The following KCNMB2 variants were observed in gnomAD, a reference collection of about 807,000 sequenced individuals.
The protein encoded by KCNMB2 is calcium-activated potassium channel subunit beta-2.
In KCNMB2, 9 loss-of-function variants were observed where a neutral mutation model predicts 24.5. The ratio of observed to expected loss-of-function variants is 0.37; its 90% CI spans 0.22 to 0.64. The LOEUF (loss-of-function observed/expected upper bound fraction) is 0.64, where lower values mean the gene tolerates loss of function less well. KCNMB2 is among the 30% of genes least tolerant of loss of function. The pLI is 0.63. For synonymous variants in KCNMB2, 109 were observed against 104.4 expected, an observed-to-expected ratio of 1.04 and a Z score of -0.27; for missense variants, 226 against 284.3, an observed-to-expected ratio of 0.79 and a Z score of 1.47.
chr3:178,708,121 T>C (rs1481691114), intron 1 of KCNMB2, among the ~76,000 whole-genome samples: 1 of 152,170 alleles, frequency 6.6e-6, no homozygotes, highest in African/African-American at 2.4e-5. Flanking sequence ...AGTTTCAGTG[T>C]CTGCCTTAGG....
chr3:178,824,570 T>C, intron 2 of KCNMB2: 1 of 166,806 alleles, frequency 6.0e-6, no homozygotes, highest in Non-Finnish European at 1.3e-5. Flanking sequence ...GAGACGGGGT[T>C]TCACCATGTT....
At chr3:178,792,894 C>T (rs1713381073) in intron 1 of KCNMB2, among the ~76,000 whole-genome samples, 1 of 152,236 alleles carries the variant, frequency 6.6e-6, no homozygotes, top group South Asian at 2.1e-4. Flanking sequence ...CATTGGGTGT[C>T]ACAGCACCTG....
At chr3:178,717,298 C>A (rs1256097586) in intron 1 of KCNMB2, among the ~76,000 whole-genome samples, 2 of 152,046 alleles carry the variant, frequency 1.3e-5, no homozygotes, top group Non-Finnish European at 2.9e-5. Flanking sequence ...CCTGCTTGCA[C>A]CAAATTTTTT....
chr3:178,587,728 G>A (rs997178456), intron 1 of KCNMB2, among the ~76,000 whole-genome samples: 10 of 144,254 alleles, frequency 6.9e-5, no homozygotes, highest in African/African-American at 2.7e-4. Flanking sequence ...TTACAGGCGT[G>A]AGCCAGTAAT....
intron 4 of KCNMB2, among the ~76,000 whole-genome samples, chr3:178,836,827 A>G (rs1313015951): frequency 6.6e-6 from 1 of 152,154 alleles, no homozygotes; most frequent in African/African-American, 2.4e-5. Flanking sequence ...TCTAAAAATG[A>G]TGGATGTTTA....
At chr3:178,758,832 A>C (rs190339925) in intron 1 of KCNMB2, among the ~76,000 whole-genome samples, 190 of 7,886 alleles carry the variant, frequency 0.024, 43 homozygotes, top group African/African-American at 0.09. Context: ...ATATATATAT[A>C]TCTCCAAGAG....
intron 1 of KCNMB2, among the ~76,000 whole-genome samples, chr3:178,567,897 T>C (rs1716584696): frequency 6.6e-6 from 1 of 152,130 alleles, no homozygotes. Context: ...CTCCCTTAAA[T>C]AAAGATTCCA....
intron 1 of KCNMB2, among the ~76,000 whole-genome samples, chr3:178,575,458 C>T (rs1374887732): frequency 6.6e-6 from 1 of 152,132 alleles, no homozygotes; most frequent in Non-Finnish European, 1.5e-5. Context: ...GAATCAACTT[C>T]CAAACATGTA....
intron 1 of KCNMB2, among the ~76,000 whole-genome samples, chr3:178,616,921 T>G (rs1218670679): frequency 6.6e-6 from 1 of 152,222 alleles, no homozygotes; most frequent in African/African-American, 2.4e-5. Context: ...CAGGCTGGAA[T>G]CAATGACCAG....
intron 1 of KCNMB2, among the ~76,000 whole-genome samples, chr3:178,703,276 G>A (rs552383223): frequency 6.6e-6 from 1 of 152,214 alleles, no homozygotes; most frequent in African/African-American, 2.4e-5. Flanking sequence ...TGAGAAAAGG[G>A]GTTGAGTGGA....
intron 1 of KCNMB2, among the ~76,000 whole-genome samples, chr3:178,764,809 C>A (rs1349777894): frequency 6.6e-6 from 1 of 151,888 alleles, no homozygotes; most frequent in Non-Finnish European, 1.5e-5. Flanking sequence ...TAAACTTTGT[C>A]CAAAAATAAA....
chr3:178,664,168 C>A (rs964643631), intron 1 of KCNMB2, among the ~76,000 whole-genome samples: 2 of 152,092 alleles, frequency 1.3e-5, no homozygotes, highest in Non-Finnish European at 1.5e-5. Flanking sequence ...TACACTGGGA[C>A]CTGCAGGAAC....
intron 2 of KCNMB2, among the ~76,000 whole-genome samples, chr3:178,815,484 A>G (rs1379636517): frequency 2.0e-5 from 3 of 152,132 alleles, no homozygotes. Flanking sequence ...TAATTACATC[A>G]TTGGTGAATA....
chr3:178,538,695 A>G (rs1416832527), intron 1 of KCNMB2, among the ~76,000 whole-genome samples: 5 of 152,198 alleles, frequency 3.3e-5, no homozygotes, highest in African/African-American at 4.8e-5. Flanking sequence ...ATTGATGAGG[A>G]AAAAGTTTCC....
At chr3:178,810,387 C>T (rs980202436) in intron 2 of KCNMB2, among the ~76,000 whole-genome samples, 6 of 152,174 alleles carry the variant, frequency 3.9e-5, no homozygotes, top group Non-Finnish European at 8.8e-5. Flanking sequence ...CACACCTCCT[C>T]TTCCTGAGAA....
At chr3:178,618,070 C>T (rs1321078969) in intron 1 of KCNMB2, among the ~76,000 whole-genome samples, 1 of 151,850 alleles carries the variant, frequency 6.6e-6, no homozygotes, top group Non-Finnish European at 1.5e-5. Context: ...AAAAATAATA[C>T]ATTTTATCTT....
chr3:178,750,774 T>C (rs1723818055), intron 1 of KCNMB2, among the ~76,000 whole-genome samples: 1 of 152,154 alleles, frequency 6.6e-6, no homozygotes, highest in Non-Finnish European at 1.5e-5. Flanking sequence ...CCTCATTAGG[T>C]AATAAGAGGG....
At chr3:178,578,404 G>A (rs1311184969) in intron 1 of KCNMB2, among the ~76,000 whole-genome samples, 2 of 152,170 alleles carry the variant, frequency 1.3e-5, no homozygotes, top group African/African-American at 4.8e-5. Flanking sequence ...GGAAAAACTA[G>A]TACCAGCCAC....
At chr3:178,605,993 A>G (rs925626398) in intron 1 of KCNMB2, among the ~76,000 whole-genome samples, 5 of 152,198 alleles carry the variant, frequency 3.3e-5, no homozygotes, top group African/African-American at 9.6e-5. Flanking sequence ...GGTGTGGCCT[A>G]GTGACCATTT....
Sources: allele counts gnomAD v4.1 joint callset (sites outside exome capture counted in the v4.1 genomes callset), GRCh38; gene constraint gnomAD v4.1.1; transcripts MANE v1.5; gene names NCBI Gene and HGNC (gene_info 2026-07-23, HGNC 2026-07-21).